AP1S2: variants seen among roughly 807,000 people sequenced by gnomAD.
AP1S2 encodes adaptor related protein complex 1 subunit sigma 2.
Under a neutral mutation model 14.3 loss-of-function variants are expected in AP1S2, and 1 was observed. The observed-to-expected ratio is 0.07, with a 90% CI of 0.02 to 0.33. AP1S2 has a LOEUF of 0.33. AP1S2 is among the 10% of genes least tolerant of loss of function. The pLI is 0.99. For synonymous variants in AP1S2, 30 were observed against 40.5 expected, an observed-to-expected ratio of 0.74 and a Z score of 0.99; for missense variants, 30 against 117.7, an observed-to-expected ratio of 0.25 and a Z score of 3.45.
At chrX:15,830,047 C>T (rs902799378) in intron 4 of AP1S2, 1 of 730,861 alleles carries the variant, frequency 1.4e-6, no homozygotes, top group African/African-American at 2.3e-5. Context: ...AAGTCATTCA[C>T]ATGAGACGAA....
At position 15,831,746 on chromosome X, in the gene AP1S2, C is replaced by G. The variant is rs772833222; in HGVS notation, c.427-3546G>C. 125 of 715,989 alleles carry G rather than the reference C, an allele frequency of 1.7e-4. No homozygotes were observed. The African/African-American group carries it at 2.7e-3, about 16-fold the overall frequency. The allele number at this position is 715,989 out of a possible 1,213,427, so 59.0% of individuals were successfully genotyped here. ...TAAACAATGCCCAAGACTTTAGATT[C>G]ATTTTTTTCTAACTTTACTACATAC... is the stretch of plus-strand genomic sequence containing the variant. On this transcript the variant is annotated intron_variant, in intron 4 of 5. Coordinates refer to ENST00000672987, the MANE Select transcript of AP1S2 (RefSeq NM_001272071.2).
intron 4 of AP1S2, among the ~76,000 whole-genome samples, chrX:15,829,526 G>A (rs1200838821): frequency 9.0e-6 from 1 of 111,595 alleles, no homozygotes; most frequent in Non-Finnish European, 1.9e-5. Flanking sequence ...AGCATTTCCT[G>A]TAGAGAATCA....
At chrX:15,834,650 ATT>A (rs1167300055) in intron 4 of AP1S2, among the ~76,000 whole-genome samples, 7 of 80,383 alleles carry the variant, frequency 8.7e-5, no homozygotes, top group African/African-American at 3.3e-4. Context: ...TAATTTTTGT[ATT>A]TTTTTTTTTT....
intron 2 of AP1S2, among the ~76,000 whole-genome samples, chrX:15,850,614 G>A (rs901543982): frequency 9.3e-6 from 1 of 107,651 alleles, no homozygotes; most frequent in Non-Finnish European, 1.9e-5. Flanking sequence ...CTCCTGCCTC[G>A]ACCTCCCATA....
chrX:15,840,433 G>T, intron 4 of AP1S2: 2 of 548,195 alleles, frequency 3.6e-6, no homozygotes, highest in Non-Finnish European at 5.2e-6. Context: ...CATCTCACGT[G>T]CAACAGTATT....
At chrX:15,848,153 C>A (rs1934055594) in intron 2 of AP1S2, among the ~76,000 whole-genome samples, 1 of 111,770 alleles carries the variant, frequency 8.9e-6, no homozygotes, top group Non-Finnish European at 1.9e-5. Flanking sequence ...TTAATGAATT[C>A]TTTGGTGTAG....
chrX:15,829,933 G>A (rs763285976), intron 4 of AP1S2: 41 of 186,744 alleles, frequency 2.2e-4, no homozygotes, highest in Non-Finnish European at 3.2e-4. Context: ...TTAAAACTGC[G>A]TAAGATGGTG....
At chrX:15,827,481 T>C (rs900892490) in intron 5 of AP1S2, 109 bp from the exon 6 acceptor site, 30 of 750,767 alleles carry the variant, frequency 4.0e-5, no homozygotes, top group Non-Finnish European at 6.0e-5. Flanking sequence ...GAAAGCAATT[T>C]CGTGTCACAG....
At chrX:15,844,368 G>A (rs1167393432) in intron 4 of AP1S2, among the ~76,000 whole-genome samples, 1 of 112,518 alleles carries the variant, frequency 8.9e-6, no homozygotes, top group South Asian at 3.6e-4. Context: ...AAACATGTAT[G>A]TAACAAAGAA....
chrX:15,841,150 C>A (rs952270404), intron 4 of AP1S2, among the ~76,000 whole-genome samples: 1 of 111,517 alleles, frequency 9.0e-6, no homozygotes, highest in Non-Finnish European at 1.9e-5. Context: ...ATCCACTGAC[C>A]CTCTTCCCTA....
chrX:15,834,920 G>A (rs769385249), intron 4 of AP1S2, among the ~76,000 whole-genome samples: 10 of 111,177 alleles, frequency 9.0e-5, no homozygotes, highest in Non-Finnish European at 1.9e-4. Context: ...AGTGTAGGAT[G>A]ACAAACAGCA....
At chrX:15,831,032 C>A in intron 4 of AP1S2, 1 of 687,333 alleles carries the variant, frequency 1.5e-6, no homozygotes, top group Non-Finnish European at 1.7e-6. Context: ...TACATTAGAA[C>A]ACATTAGCTC....
In AP1S2 at chrX:15,826,667, T is replaced by C. The variant is rs1159154247; in HGVS notation, c.*658A>G. The C allele has an allele frequency of 1.8e-5, 2 of 110,882 alleles. No homozygotes were observed. Among genetic ancestry groups the C allele is most frequent in the Admixed American group, 9.6e-5 (1 of 10,379 alleles). The allele number at this position is 110,882 out of a possible 1,213,427, so 9.1% of individuals were successfully genotyped here. ...GGCCTTAAAAATTATGTGCTTACTA[T>C]TGTGAAACAATCCTGTTTCTCATCC... On this transcript the variant is annotated 3_prime_UTR_variant, in exon 6 of 6. Coordinates refer to ENST00000672987, the MANE Select transcript of AP1S2 (RefSeq NM_001272071.2).
At chrX:15,833,265 T>C (rs1051369888) in intron 4 of AP1S2, 104 of 752,972 alleles carry the variant, frequency 1.4e-4, no homozygotes, top group Non-Finnish European at 1.6e-4. Context: ...CCAGGAGACT[T>C]ACTATGAACT....
In AP1S2 at chrX:15,827,282, A is replaced by G. The variant is rs374565433; in HGVS notation, c.*43T>C. On this transcript the variant is annotated 3_prime_UTR_variant, in exon 6 of 6. Transcript: ENST00000672987. ...GGACATGAAGGGAGTGACCATCTAC[A>G]GTGTGTGAAATGCCACAAGAAGTCA... 1 of 1,101,743 alleles carries G rather than the reference A, an allele frequency of 9.1e-7. No homozygotes were observed. The highest frequency in any genetic ancestry group is 1.3e-6 in the Non-Finnish European group (1 of 796,585). The allele number at this position is 1,101,743 out of a possible 1,213,427, so 90.8% of individuals were successfully genotyped here. A position where few individuals can be genotyped will look rare whatever the true frequency, so the allele number is the denominator to read the frequency against.
intron 4 of AP1S2, among the ~76,000 whole-genome samples, chrX:15,840,257 AAAC>A (rs779176878): frequency 2.7e-5 from 3 of 112,561 alleles, no homozygotes; most frequent in African/African-American, 9.7e-5. Flanking sequence ...CTCAAAAGAA[AAAC>A]AACACCACAA....
chrX:15,847,106 C>T (rs2147320717), intron 2 of AP1S2, among the ~76,000 whole-genome samples: 1 of 111,741 alleles, frequency 8.9e-6, no homozygotes, highest in South Asian at 3.7e-4. Context: ...TTTTAGAAAA[C>T]ACAATGGGCA....
chrX:15,844,466 C>A (rs895280129), intron 4 of AP1S2, among the ~76,000 whole-genome samples: 41 of 112,732 alleles, frequency 3.6e-4, no homozygotes, highest in African/African-American at 1.3e-3. Flanking sequence ...AAGACTTTTA[C>A]ATACATGCAA....
chrX:15,852,710 A>G (rs959100263), intron 1 of AP1S2, 186 bp from the exon 2 acceptor site: 4 of 342,186 alleles, frequency 1.2e-5, no homozygotes, highest in African/African-American at 1.1e-4. Context: ...TCTAGATGCA[A>G]ACCTTCCAAT....
Sources: gnomAD v4.1 joint callset for allele counts (sites outside exome capture counted in the v4.1 genomes callset) on GRCh38, gnomAD v4.1.1 for gene constraint, MANE v1.5 for transcripts, NCBI Gene and HGNC (gene_info 2026-07-23, HGNC 2026-07-21) for gene names.